The following AGGF1 variants were observed in gnomAD, a reference collection of about 807,000 sequenced individuals.
AGGF1 encodes the protein angiogenic factor with G patch and FHA domains 1.
Under a neutral mutation model 86.5 loss-of-function variants are expected in AGGF1, and 56 were observed. That is an observed-to-expected ratio of 0.65 (90% CI 0.52 to 0.81). The LOEUF (loss-of-function observed/expected upper bound fraction) is 0.81. Ranked by LOEUF, AGGF1 falls within the 30% of genes least tolerant of loss-of-function variation. The pLI, the probability that AGGF1 is intolerant of heterozygous loss-of-function variation, is 0.00. For synonymous variants in AGGF1, 313 were observed against 297.1 expected (o/e 1.05, Z -0.55); for missense variants, 816 against 850.9 (o/e 0.96, Z 0.51).
intron 5 of AGGF1, among the ~76,000 whole-genome samples, chr5:77,043,540 C>G (rs1747176733): frequency 6.8e-6 from 1 of 146,004 alleles, no homozygotes; most frequent in Admixed American, 6.7e-5. Context: ...GGGGGCTGAC[C>G]CCCCCACCTC....
At chr5:77,061,065 A>G (rs1747555478) in intron 12 of AGGF1, among the ~76,000 whole-genome samples, 1 of 152,212 alleles carries the variant, frequency 6.6e-6, no homozygotes, top group African/African-American at 2.4e-5. Context: ...TTTCAATTTG[A>G]ACTTTTTAAT....
intron 12 of AGGF1, 48 bp from the exon 13 acceptor site, chr5:77,061,655 C>T (rs1345779657): frequency 6.6e-7 from 1 of 1,516,614 alleles, no homozygotes; most frequent in South Asian, 1.1e-5. Flanking sequence ...ATAAATGTGA[C>T]CTAAAAGATC....
Position 77,030,680 on chromosome 5 carries a change from C to A in AGGF1, c.-87C>A. 3 of 1,441,306 alleles carry A rather than the reference C, an allele frequency of 2.1e-6. No homozygotes were observed. The highest frequency in any genetic ancestry group is 2.5e-5 in the South Asian group (2 of 79,640). The allele number at this position is 1,441,306 out of a possible 1,614,324, so 89.3% of individuals were successfully genotyped here. ...GTGAGGCTGCCTTTCGCTGCCCGCG[C>A]GCTCCAGTGGTCTCTGGGTCCGCCG... On this transcript the variant is annotated 5_prime_UTR_variant, in exon 1 of 14. Coordinates refer to ENST00000312916, the MANE Select transcript of AGGF1 (RefSeq NM_018046.5).
chr5:77,041,801 A>ATT, intron 5 of AGGF1, among the ~76,000 whole-genome samples: 1 of 130,250 alleles, frequency 7.7e-6, no homozygotes, highest in South Asian at 2.3e-4. Context: ...TTATTTATTT[A>ATT]TTTATTTATT....
intron 3 of AGGF1, 127 bp downstream of exon 3, chr5:77,035,870 G>C: frequency 3.7e-6 from 3 of 819,562 alleles, no homozygotes; most frequent in Non-Finnish European, 6.0e-6. Flanking sequence ...ATTCTTATGT[G>C]TAATTATGCA....
intron 10 of AGGF1, 94 bp from the exon 11 acceptor site, chr5:77,055,420 A>G (rs1174279746): frequency 6.4e-6 from 5 of 782,486 alleles, no homozygotes; most frequent in African/African-American, 1.7e-5. Context: ...GGAATGGGTT[A>G]TATTAGTTTT....
At chr5:77,032,085 CTTCT>C (rs1031944343) in intron 1 of AGGF1, among the ~76,000 whole-genome samples, 1 of 152,024 alleles carries the variant, frequency 6.6e-6, no homozygotes, top group Non-Finnish European at 1.5e-5. Flanking sequence ...CGTCATCAGA[CTTCT>C]TTGTTTTGTT....
rs964466606 is a variant in AGGF1 at position 77,030,429 on chromosome 5, A to T, written c.-338A>T. ...GCCGTTGTTTCCGGCTCAACTGGGGAGCTGCTGGAGCTCTTCTGGCCTCTG... is the reference window on the plus strand; with the variant it reads ...GCCGTTGTTTCCGGCTCAACTGGGGTGCTGCTGGAGCTCTTCTGGCCTCTG... On this transcript the variant is annotated 5_prime_UTR_variant, in exon 1 of 14. Coordinates refer to ENST00000312916, the MANE Select transcript of AGGF1 (RefSeq NM_018046.5). 5 of 517,416 alleles carry T rather than the reference A, an allele frequency of 9.7e-6. No homozygotes were observed. Among genetic ancestry groups the T allele is most frequent in the South Asian group, 1.5e-5 (1 of 65,114 alleles). 32.1% of individuals were successfully genotyped at this position (517,416 alleles called of 1,614,324 possible).
chr5:77,039,234 C>G (rs920650740), intron 4 of AGGF1, among the ~76,000 whole-genome samples: 3 of 151,936 alleles, frequency 2.0e-5, no homozygotes, highest in African/African-American at 7.3e-5. Context: ...TAAGTGGAAC[C>G]ATATGAAATT....
chr5:77,059,258 G>T (rs1747511003), intron 11 of AGGF1, among the ~76,000 whole-genome samples: 1 of 152,134 alleles, frequency 6.6e-6, no homozygotes, highest in African/African-American at 2.4e-5. Flanking sequence ...GTATGTTGTG[G>T]CATAACTTGA....
At chr5:77,034,826 G>A (rs553695453) in intron 2 of AGGF1, among the ~76,000 whole-genome samples, 1 of 151,712 alleles carries the variant, frequency 6.6e-6, no homozygotes, top group Non-Finnish European at 1.5e-5. Context: ...TTGTGACCAG[G>A]GGCATTTGTT....
Position 77,053,998 on chromosome 5 carries a change from C to T in AGGF1, c.1501C>T (p.His501Tyr), listed in dbSNP as rs927416270. ...TAAATGTGACCCTTACGTACTTGAG[C>T]ATGGAGATGAAGTCAAAATTGGAGA... Reference protein sequence around the residue: ...KTKCDPYVLEHGDEVKIGETV... With the variant: ...KTKCDPYVLEYGDEVKIGETV... Residue 501 changes from histidine to tyrosine, a missense_variant, in exon 10 of 14, where the codon CAT becomes TAT. Physicochemically the swap from His to Tyr is moderately conservative, Grantham distance 83 (BLOSUM62 2). Coordinates refer to ENST00000312916, the MANE Select transcript of AGGF1 (RefSeq NM_018046.5). The T allele has an allele frequency of 6.2e-7, 1 of 1,614,036 alleles. No individual in the cohort carries two copies. The highest frequency in any genetic ancestry group is 8.5e-7 in the Non-Finnish European group (1 of 1,180,022).
rs927704350 is a variant in AGGF1, at chr5:77,064,645, C to T, written c.*1393C>T. The T allele has an allele frequency of 4.6e-5, 7 of 152,198 alleles. No individual in the cohort carries two copies. Among genetic ancestry groups the T allele is most frequent in the African/African-American group, 9.6e-5 (4 of 41,462 alleles). 9.4% of individuals were successfully genotyped at this position (152,198 alleles called of 1,614,324 possible). ...AATATCTCTTTGCATTCTTCTTGGCCACCTGCATAGTCTGACACATACGTA... is the reference window on the plus strand; with the variant it reads ...AATATCTCTTTGCATTCTTCTTGGCTACCTGCATAGTCTGACACATACGTA... On this transcript the variant is annotated 3_prime_UTR_variant, in exon 14 of 14. Transcript: ENST00000312916.
intron 8 of AGGF1, among the ~76,000 whole-genome samples, chr5:77,050,384 C>T (rs539316048): frequency 4.3e-4 from 63 of 145,412 alleles, no homozygotes; most frequent in South Asian, 1.5e-3. Context: ...TGCAGTGGCA[C>T]GCACCACAGC....
chr5:77,060,302 G>A (rs1413719911), intron 12 of AGGF1, among the ~76,000 whole-genome samples: 1 of 152,116 alleles, frequency 6.6e-6, no homozygotes, highest in Non-Finnish European at 1.5e-5. Context: ...TAACAGTCTA[G>A]CCACACAGTT....
chr5:77,031,506 G>A (rs1746852682), intron 1 of AGGF1, among the ~76,000 whole-genome samples: 1 of 152,186 alleles, frequency 6.6e-6, no homozygotes, highest in Non-Finnish European at 1.5e-5. Context: ...GTGTAAGTAG[G>A]GACGATATAT....
At position 77,065,152 on chromosome 5, in the gene AGGF1, G is replaced by A. The variant is rs536040888; in HGVS notation, c.*1900G>A. On this transcript the variant is annotated 3_prime_UTR_variant, in exon 14 of 14. Coordinates refer to ENST00000312916, the MANE Select transcript of AGGF1 (RefSeq NM_018046.5). ...TGTAAATTGTAAAAGTAGTACAGAT[G>A]TGAGCTTCTATTTGTTTAGAAGCAT... is the stretch of plus-strand genomic sequence containing the variant. The A allele has an allele frequency of 1.3e-5, 2 of 152,284 alleles. No homozygotes were observed. Among genetic ancestry groups the A allele is most frequent in the East Asian group, 3.9e-4 (2 of 5,180 alleles). The allele number at this position is 152,284 out of a possible 1,614,324, so 9.4% of individuals were successfully genotyped here.
chr5:77,043,991 G>C (rs1205674504), intron 5 of AGGF1, among the ~76,000 whole-genome samples: 2 of 129,194 alleles, frequency 1.5e-5, no homozygotes, highest in African/African-American at 5.9e-5. Context: ...GGGCGGCCGG[G>C]CAGAGACGCT....
chr5:77,042,472 C>T (rs1241076471), intron 5 of AGGF1, among the ~76,000 whole-genome samples: 4 of 78,192 alleles, frequency 5.1e-5, no homozygotes, highest in Non-Finnish European at 1.2e-4. Flanking sequence ...CCGGACGGGG[C>T]GGCTGGCCGG....
Sources: gnomAD v4.1 joint callset for allele counts (sites outside exome capture counted in the v4.1 genomes callset) on GRCh38, gnomAD v4.1.1 for gene constraint, MANE v1.5 for transcripts, NCBI Gene and HGNC (gene_info 2026-07-23, HGNC 2026-07-21) for gene names.